Variants in DIAPH3 observed in about 807,000 individuals in gnomAD.
The protein encoded by DIAPH3 is diaphanous related formin 3, also known as protein diaphanous homolog 3.
Under a neutral mutation model 144.3 loss-of-function variants are expected in DIAPH3, and 117 were observed. That is an observed-to-expected ratio of 0.81 (90% CI 0.70 to 0.95). DIAPH3 has a LOEUF of 0.95. Among genes scored for constraint, DIAPH3 ranks in the 40% least tolerant of loss-of-function variants. The probability of loss-of-function intolerance (pLI) is 0.00; values close to 1 mark genes in which losing one functional copy is unlikely to be tolerated. For synonymous variants in DIAPH3, 519 were observed against 488.9 expected, an observed-to-expected ratio of 1.06 and a Z score of -0.81; for missense variants, 1,421 against 1,412.7, an observed-to-expected ratio of 1.01 and a Z score of -0.09.
At chr13:59,811,620 C>T (rs1440961758) in intron 24 of DIAPH3, among the ~76,000 whole-genome samples, 2 of 151,034 alleles carry the variant, frequency 1.3e-5, no homozygotes, top group African/African-American at 2.4e-5. Context: ...GCCTGTAATC[C>T]CAGCTACTAG....
intron 27 of DIAPH3, among the ~76,000 whole-genome samples, chr13:59,670,428 G>A (rs1169263003): frequency 6.6e-6 from 1 of 152,040 alleles, no homozygotes; most frequent in East Asian, 1.9e-4. Context: ...CCTTCTTTTT[G>A]GTTTGTCTCC....
chr13:59,973,490 G>T (rs948873835), intron 15 of DIAPH3, among the ~76,000 whole-genome samples: 1 of 151,972 alleles, frequency 6.6e-6, no homozygotes, highest in Non-Finnish European at 1.5e-5. Flanking sequence ...GAAGATGAAT[G>T]AGAATAATTT....
intron 27 of DIAPH3, among the ~76,000 whole-genome samples, chr13:59,769,751 G>A (rs972280597): frequency 5.3e-5 from 8 of 151,798 alleles, no homozygotes; most frequent in African/African-American, 9.7e-5. Flanking sequence ...TGTCAGACCC[G>A]CAATATACTT....
chr13:60,153,276 A>T (rs1304974467), intron 1 of DIAPH3: 1 of 152,132 alleles, frequency 6.6e-6, no homozygotes, highest in Admixed American at 6.6e-5. Flanking sequence ...ATTAGATTTC[A>T]AGAGAAAAAT....
At chr13:59,804,888 TG>T (rs2040114475) in intron 25 of DIAPH3, among the ~76,000 whole-genome samples, 1 of 152,184 alleles carries the variant, frequency 6.6e-6, no homozygotes, top group Admixed American at 6.6e-5. Flanking sequence ...ATTGCATATC[TG>T]TTGAGATTGG....
At chr13:59,892,335 A>C (rs1185034213) in intron 20 of DIAPH3, among the ~76,000 whole-genome samples, 2 of 151,982 alleles carry the variant, frequency 1.3e-5, no homozygotes, top group Admixed American at 1.3e-4. Context: ...GGGTAGTAAA[A>C]GTTGGGATTA....
intron 3 of DIAPH3, among the ~76,000 whole-genome samples, chr13:60,096,347 C>T (rs2058103532): frequency 6.6e-6 from 1 of 152,096 alleles, no homozygotes; most frequent in African/African-American, 2.4e-5. Flanking sequence ...AATAAAATTT[C>T]AAGGTGAGTA....
intron 27 of DIAPH3, among the ~76,000 whole-genome samples, chr13:59,668,830 TATA>T (rs916030133): frequency 7.8e-6 from 1 of 128,844 alleles, no homozygotes; most frequent in Admixed American, 8.0e-5. Context: ...TACACATATA[TATA>T]TATGTATGTA....
chr13:59,809,470 C>G (rs533733755), intron 25 of DIAPH3, among the ~76,000 whole-genome samples: 1 of 149,910 alleles, frequency 6.7e-6, no homozygotes, highest in Admixed American at 6.6e-5. Flanking sequence ...CCATTGCACT[C>G]CAGCCTGGGC....
At chr13:59,812,183 T>C (rs2040512416) in intron 24 of DIAPH3, among the ~76,000 whole-genome samples, 1 of 152,094 alleles carries the variant, frequency 6.6e-6, no homozygotes, top group Admixed American at 6.5e-5. Context: ...AGTTTAATAT[T>C]TTTGACCAAC....
Position 60,163,637 on chromosome 13 carries a change from G to A in DIAPH3, c.130C>T (p.Pro44Ser), listed in dbSNP as rs1225252424. 1 of 1,606,472 alleles carries A rather than the reference G, an allele frequency of 6.2e-7. No individual in the cohort carries two copies. Among genetic ancestry groups the A allele is most frequent in the Admixed American group, 1.7e-5 (1 of 59,700 alleles). ...KMPRRKGPQH[P>S]PPPSGPEEPG... The stretch of plus-strand genomic sequence containing the variant: ...TCCTCGGGGCCACTGGGCGGCGGAG[G>A]GTGTTGGGGGCCCTTCCTGCGCGGC... The change falls in exon 1 of 28, where the codon CCT becomes TCT. Residue 44 changes from proline to serine, a missense_variant. Coordinates refer to ENST00000400324, the MANE Select transcript of DIAPH3 (RefSeq NM_001042517.2).
intron 23 of DIAPH3, among the ~76,000 whole-genome samples, chr13:59,837,257 T>C (rs571305117): frequency 1.1e-3 from 161 of 152,162 alleles, no homozygotes; most frequent in African/African-American, 3.7e-3. Flanking sequence ...TGGAGTATAA[T>C]TGTACTCAGA....
chr13:59,920,806 C>T (rs532036635), intron 18 of DIAPH3, among the ~76,000 whole-genome samples: 7 of 151,784 alleles, frequency 4.6e-5, no homozygotes, highest in Non-Finnish European at 7.4e-5. Flanking sequence ...CTCAACTGCA[C>T]ATGGAACATT....
chr13:59,766,214 C>G (rs1187903128), intron 27 of DIAPH3, among the ~76,000 whole-genome samples: 5 of 152,082 alleles, frequency 3.3e-5, no homozygotes. Flanking sequence ...GGATCATTTG[C>G]CCTTTTTCAC....
rs1488766957 is a variant in DIAPH3, at chr13:59,892,187, G to A, written c.2368-12719C>T. 2.0e-5 allele frequency among the ~76,000 whole-genome samples: 3 copies of A among 152,000 alleles called. No homozygotes were observed. In the East Asian group the frequency reaches 5.8e-4, roughly 29 times the overall value. On this transcript the variant is annotated intron_variant, in intron 20 of 27. Transcript: ENST00000400324. ...AATGAAAAAGAGGGTAACATAGATA[G>A]AGAATGATGGGGGGCAGCATCATTA...
chr13:59,937,125 T>G (rs1444359154), intron 17 of DIAPH3, among the ~76,000 whole-genome samples: 3 of 150,898 alleles, frequency 2.0e-5, no homozygotes, highest in Non-Finnish European at 4.4e-5. Context: ...ATTGCACCAC[T>G]GCACTCCAGC....
At chr13:59,811,357 AG>A (rs926883423) in intron 24 of DIAPH3, among the ~76,000 whole-genome samples, 1 of 152,214 alleles carries the variant, frequency 6.6e-6, no homozygotes, top group Admixed American at 6.5e-5. Context: ...ACATAATAAA[AG>A]AAGTGAAATC....
At chr13:59,795,302 A>G (rs905982694) in intron 25 of DIAPH3, among the ~76,000 whole-genome samples, 2 of 152,174 alleles carry the variant, frequency 1.3e-5, no homozygotes, top group Non-Finnish European at 1.5e-5. Flanking sequence ...TAATATAATG[A>G]AAAATTAAGA....
intron 9 of DIAPH3, among the ~76,000 whole-genome samples, chr13:59,997,294 CAT>C (rs1480492587): frequency 6.6e-5 from 10 of 152,050 alleles, no homozygotes; most frequent in African/African-American, 2.4e-4. Flanking sequence ...TAAGTGAGAA[CAT>C]GTGATATTTG....
Sources: gnomAD v4.1 joint callset for allele counts (sites outside exome capture counted in the v4.1 genomes callset) on GRCh38, gnomAD v4.1.1 for gene constraint, MANE v1.5 for transcripts, NCBI Gene and HGNC (gene_info 2026-07-23, HGNC 2026-07-21) for gene names.